AHCYL2: variants seen among roughly 807,000 people sequenced by gnomAD.
AHCYL2 encodes the protein S-adenosylhomocysteine hydrolase-like protein 2.
In AHCYL2, 28 loss-of-function variants were observed where a neutral mutation model predicts 81.4. The observed-to-expected ratio is 0.34, with a 90% confidence interval of 0.25 to 0.47. The LOEUF (loss-of-function observed/expected upper bound fraction) is 0.47. AHCYL2 is among the 20% of genes least tolerant of loss of function. The pLI is 1.00. For missense variants in AHCYL2, 551 were observed against 785.1 expected, an observed-to-expected ratio of 0.70 and a Z score of 3.56; for synonymous variants, 272 against 290.2, an observed-to-expected ratio of 0.94 and a Z score of 0.64.
intron 1 of AHCYL2, among the ~76,000 whole-genome samples, chr7:129,320,649 A>G (rs1797981959): frequency 6.6e-6 from 1 of 152,168 alleles, no homozygotes. Context: ...TATAAATAAT[A>G]TGCCATAAAA....
chr7:129,231,241 A>G (rs1031565802), intron 1 of AHCYL2, among the ~76,000 whole-genome samples: 1 of 152,138 alleles, frequency 6.6e-6, no homozygotes, highest in Non-Finnish European at 1.5e-5. Context: ...TCTGTCTCAA[A>G]AAAAAGAAAA....
chr7:129,303,573 A>C (rs1797324265), intron 1 of AHCYL2, among the ~76,000 whole-genome samples: 2 of 152,008 alleles, frequency 1.3e-5, no homozygotes, highest in East Asian at 3.9e-4. Context: ...AAGGTTTGTC[A>C]ATTTCATTTA....
At chr7:129,291,972 A>G (rs544069468) in intron 1 of AHCYL2, among the ~76,000 whole-genome samples, 2 of 152,250 alleles carry the variant, frequency 1.3e-5, no homozygotes, top group South Asian at 4.1e-4. Flanking sequence ...ATTCCTCCAA[A>G]AAATGACTTT....
chr7:129,250,645 T>G (rs1795217709), intron 1 of AHCYL2, among the ~76,000 whole-genome samples: 1 of 152,204 alleles, frequency 6.6e-6, no homozygotes, highest in Non-Finnish European at 1.5e-5. Context: ...CTTTCATCAT[T>G]AAGTGTAATG....
intron 1 of AHCYL2, among the ~76,000 whole-genome samples, chr7:129,314,740 A>C (rs1435189990): frequency 6.6e-6 from 1 of 152,210 alleles, no homozygotes; most frequent in Non-Finnish European, 1.5e-5. Context: ...TGGGGTGGGG[A>C]CACATAGGAC....
intron 1 of AHCYL2, among the ~76,000 whole-genome samples, chr7:129,293,149 GTT>G (rs34694658): frequency 1.5e-5 from 2 of 135,588 alleles, no homozygotes; most frequent in Non-Finnish European, 3.1e-5. Flanking sequence ...GAGTTTTTGG[GTT>G]TTTTTTTTGG....
chr7:129,255,359 A>G (rs1349874777), intron 1 of AHCYL2, among the ~76,000 whole-genome samples: 1 of 152,268 alleles, frequency 6.6e-6, no homozygotes, highest in Non-Finnish European at 1.5e-5. Context: ...ACATATCAAT[A>G]TAAAAATTAA....
At chr7:129,319,676 A>G (rs910540309) in intron 1 of AHCYL2, among the ~76,000 whole-genome samples, 2 of 152,210 alleles carry the variant, frequency 1.3e-5, no homozygotes, top group African/African-American at 4.8e-5. Context: ...AATCTTAAAC[A>G]TACAATATGA....
chr7:129,283,395 C>G (rs1460733287), intron 1 of AHCYL2: 7 of 455,828 alleles, frequency 1.5e-5, no homozygotes, highest in Non-Finnish European at 3.1e-5. Flanking sequence ...TGTATTTTCT[C>G]TGCTTTTTTT....
chr7:129,314,391 C>T (rs904398251), intron 1 of AHCYL2, among the ~76,000 whole-genome samples: 10 of 152,084 alleles, frequency 6.6e-5, no homozygotes, highest in Non-Finnish European at 1.5e-4. Flanking sequence ...TTGTGCATTG[C>T]CTAGCACATT....
Position 129,426,979 on chromosome 7 carries a change from A to G in AHCYL2, c.1830-60A>G. 6.4e-7 allele frequency: 1 copy of G among 1,563,754 alleles called. No individual in the cohort carries two copies. The highest frequency in any genetic ancestry group is 8.8e-7 in the Non-Finnish European group (1 of 1,136,266). On this transcript the variant is annotated intron_variant, in intron 16 of 16. Transcript: ENST00000325006. The surrounding 1 kb of genome is among the most constrained non-coding windows in gnomAD (Gnocchi z 4.3). The stretch of plus-strand genomic sequence containing the variant: ...TGTTACACCTTTAGGCAGGCTCTTC[A>G]TGTCCCAGCATCCCCATTAGCTGAT...
intron 1 of AHCYL2, among the ~76,000 whole-genome samples, chr7:129,263,100 A>G (rs117480999): frequency 4.3e-4 from 66 of 152,348 alleles, no homozygotes; most frequent in Non-Finnish European, 9.0e-4. Context: ...GTCCTTCCTT[A>G]TGACATACTA....
At chr7:129,260,992 G>A (rs952977381) in intron 1 of AHCYL2, among the ~76,000 whole-genome samples, 1 of 152,090 alleles carries the variant, frequency 6.6e-6, no homozygotes, top group African/African-American at 2.4e-5. Context: ...GTTTCACCAT[G>A]TTGGGCAGGC....
intron 2 of AHCYL2, among the ~76,000 whole-genome samples, chr7:129,382,457 A>G (rs922644734): frequency 6.6e-5 from 10 of 152,166 alleles, no homozygotes; most frequent in African/African-American, 2.2e-4. Flanking sequence ...AAAATTAGCC[A>G]GGCGTCGTGG....
intron 1 of AHCYL2, among the ~76,000 whole-genome samples, chr7:129,271,359 C>CA (rs3042852): frequency 0.011 from 956 of 86,708 alleles, 21 homozygotes; most frequent in African/African-American, 0.038. Flanking sequence ...AGACTGTCTC[C>CA]AAAAAAAAAA....
intron 1 of AHCYL2, among the ~76,000 whole-genome samples, chr7:129,274,452 G>C (rs1796127051): frequency 1.3e-5 from 2 of 152,136 alleles, no homozygotes; most frequent in African/African-American, 4.8e-5. Context: ...ATGTGGGAGG[G>C]CCTTGTTGGG....
At chr7:129,261,348 A>G (rs182575493) in intron 1 of AHCYL2, among the ~76,000 whole-genome samples, 30 of 152,252 alleles carry the variant, frequency 2.0e-4, no homozygotes, top group East Asian at 1.7e-3. Flanking sequence ...ATAAGGCCAA[A>G]TAGAGAGTTC....
chr7:129,252,797 GTAGA>G (rs999567244), intron 1 of AHCYL2, among the ~76,000 whole-genome samples: 3 of 152,076 alleles, frequency 2.0e-5, no homozygotes, highest in Non-Finnish European at 4.4e-5. Flanking sequence ...AGGTAGGTAG[GTAGA>G]TAGATGATTG....
intron 1 of AHCYL2, among the ~76,000 whole-genome samples, chr7:129,234,751 C>T (rs1374852363): frequency 1.3e-5 from 2 of 152,202 alleles, no homozygotes; most frequent in African/African-American, 4.8e-5. Context: ...CTGCCTCACC[C>T]TCCCAAAGTG....
Sources: gnomAD v4.1 joint callset for allele counts (sites outside exome capture counted in the v4.1 genomes callset) on GRCh38, gnomAD v4.1.1 for gene constraint, Gnocchi (gnomAD v3.1) non-coding constraint, MANE v1.5 for transcripts, NCBI Gene and HGNC (gene_info 2026-07-23, HGNC 2026-07-21) for gene names.